ATCAY: variants seen among roughly 807,000 people sequenced by gnomAD.
ATCAY encodes caytaxin.
ATCAY carries 22 observed loss-of-function variants against 47.7 expected under a neutral mutation model. That is an observed-to-expected ratio of 0.46 (90% CI 0.33 to 0.66). The LOEUF (loss-of-function observed/expected upper bound fraction) is 0.66, where lower values mean the gene tolerates loss of function less well. ATCAY is among the 30% of genes least tolerant of loss of function. The probability of loss-of-function intolerance (pLI) is 0.02; values close to 1 mark genes in which losing one functional copy is unlikely to be tolerated. For missense variants in ATCAY, 452 were observed against 515.0 expected (o/e 0.88, Z 1.18); for synonymous variants, 216 against 207.6 (o/e 1.04, Z -0.35).
At chr19:3,919,775 A>G (rs1346628749) in intron 11 of ATCAY, among the ~76,000 whole-genome samples, 1 of 151,048 alleles carries the variant, frequency 6.6e-6, no homozygotes, top group Non-Finnish European at 1.5e-5. Context: ...AAAAGTTATC[A>G]TGATGTTCTC....
At chr19:3,914,153 G>A (rs970019352) in intron 9 of ATCAY, among the ~76,000 whole-genome samples, 14 of 147,680 alleles carry the variant, frequency 9.5e-5, no homozygotes, top group Non-Finnish European at 1.8e-4. Context: ...GGAGAATGGC[G>A]TGAACCCCGG....
chr19:3,905,405 T>C (rs554981913), intron 3 of ATCAY, 29 bp from the exon 4 acceptor site: 5 of 1,550,454 alleles, frequency 3.2e-6, no homozygotes, highest in Non-Finnish European at 4.4e-6. Flanking sequence ...AAAGCAAAGA[T>C]GTTTTCCATT....
At position 3,905,431 on chromosome 19, in the gene ATCAY, C is replaced by A. The variant is rs775910010; in HGVS notation, c.137-3C>A. 2.5e-6 allele frequency: 4 copies of A among 1,596,548 alleles called. No individual in the cohort carries two copies. The highest frequency in any genetic ancestry group is 2.2e-5 in the South Asian group (2 of 89,268). ...GTTTTCCATTTTTCTCATTTCCCTG[C>A]AGCTCCTCCCAACACGCTAAATTTC... On this transcript the variant is annotated splice_polypyrimidine_tract_variant and splice_region_variant and intron_variant, in intron 3 of 12. Transcript: ENST00000450849.
rs576305408 is a variant in ATCAY at position 3,896,715 on chromosome 19, T to C, written c.78-5772T>C. ...GAAGGCAGTGCCGGCTGCAAAGCAA[T>C]GGGGCTTTCCTCTGGCGGGAGGAGA... On this transcript the variant is annotated intron_variant, in intron 2 of 12. Transcript: ENST00000450849. 2.0e-5 allele frequency among the ~76,000 whole-genome samples: 3 copies of C among 152,280 alleles called. No individual in the cohort carries two copies. In the East Asian group the frequency reaches 5.8e-4, roughly 29 times the overall value.
chr19:3,882,622 G>A (rs986029819), intron 1 of ATCAY, among the ~76,000 whole-genome samples: 19 of 149,036 alleles, frequency 1.3e-4, no homozygotes, highest in African/African-American at 3.7e-4. Context: ...GTGAGCCACC[G>A]CACCAGCCAG....
At chr19:3,912,394 A>G (rs978372292) in intron 8 of ATCAY, among the ~76,000 whole-genome samples, 9 of 151,882 alleles carry the variant, frequency 5.9e-5, no homozygotes, top group Non-Finnish European at 8.8e-5. Flanking sequence ...GCTCACTGCA[A>G]GCTCCGCCTC....
chr19:3,890,583 C>G (rs866706244), intron 2 of ATCAY, among the ~76,000 whole-genome samples: 1 of 152,002 alleles, frequency 6.6e-6, no homozygotes, highest in African/African-American at 2.4e-5. Flanking sequence ...ATTTTAAAAG[C>G]TCTCATCTCA....
chr19:3,909,897 C>A (rs141670974), intron 7 of ATCAY, among the ~76,000 whole-genome samples: 39 of 152,276 alleles, frequency 2.6e-4, no homozygotes, highest in African/African-American at 8.9e-4. Flanking sequence ...CCAGCCCGGC[C>A]AACATATAGT....
intron 2 of ATCAY, among the ~76,000 whole-genome samples, chr19:3,897,430 G>A (rs2038779528): frequency 6.6e-6 from 1 of 151,604 alleles, no homozygotes; most frequent in African/African-American, 2.4e-5. Flanking sequence ...TTCCCAAATA[G>A]CTGGGACTAC....
intron 4 of ATCAY, among the ~76,000 whole-genome samples, chr19:3,906,254 T>C (rs1199329207): frequency 6.7e-6 from 1 of 150,294 alleles, no homozygotes. Context: ...TATTGTTCGA[T>C]AGCAGAATAG....
At chr19:3,892,778 G>T (rs938901712) in intron 2 of ATCAY, among the ~76,000 whole-genome samples, 8 of 151,862 alleles carry the variant, frequency 5.3e-5, no homozygotes, top group South Asian at 2.1e-4. Flanking sequence ...TGTGGTGGCG[G>T]GCACCTGTAA....
rs1428982416 is a variant in ATCAY, at chr19:3,928,004, G to A, written c.*3412G>A. The A allele has an allele frequency of 6.6e-6, 1 of 152,176 alleles. No individual in the cohort carries two copies. Among genetic ancestry groups the A allele is most frequent in the African/African-American group, 2.4e-5 (1 of 41,438 alleles). The allele number at this position is 152,176 out of a possible 1,614,324, so 9.4% of individuals were successfully genotyped here. A position where few individuals can be genotyped will look rare whatever the true frequency, so the allele number is the denominator to read the frequency against. ...AACAGAAATGATCACTACGATTGAC[G>A]ACGGTCGTGATGTTAAGACGTCGTC... On this transcript the variant is annotated 3_prime_UTR_variant, in exon 13 of 13. Transcript: ENST00000450849.
At chr19:3,893,907 G>T (rs937948774) in intron 2 of ATCAY, among the ~76,000 whole-genome samples, 1 of 149,952 alleles carries the variant, frequency 6.7e-6, no homozygotes, top group South Asian at 2.1e-4. Context: ...CTCTCTCTGC[G>T]CCAGGCACCC....
intron 11 of ATCAY, among the ~76,000 whole-genome samples, chr19:3,919,523 C>T (rs919524365): frequency 1.1e-4 from 16 of 151,922 alleles, no homozygotes; most frequent in African/African-American, 3.6e-4. Context: ...ACCTGGGAGG[C>T]GGAGGTTGCA....
At chr19:3,917,584 C>CAAAAAAAAAAAAA (rs71166940) in intron 9 of ATCAY, among the ~76,000 whole-genome samples, 158 bp from the exon 10 acceptor site, 3 of 40,834 alleles carry the variant, frequency 7.3e-5, no homozygotes, top group African/African-American at 2.1e-4. Context: ...GACTCCATCT[C>CAAAAAAAAAAAAA]AAAAAAAAAA....
Position 3,917,737 on chromosome 19 carries a change from T to C in ATCAY, c.966-5T>C. The C allele has an allele frequency of 6.2e-7, 1 of 1,613,516 alleles. No homozygotes were observed. Among genetic ancestry groups the C allele is most frequent in the Non-Finnish European group, 8.5e-7 (1 of 1,179,670 alleles). ...TTGTGTCTGACATCTTTTTCTTTCT[T>C]TCAGATACGAAGAGGAAAGACTGAA... On this transcript the variant is annotated splice_polypyrimidine_tract_variant and splice_region_variant and intron_variant, in intron 9 of 12. Transcript: ENST00000450849.
intron 3 of ATCAY, among the ~76,000 whole-genome samples, chr19:3,903,982 CAAAAAAAA>C (rs59631453): frequency 2.4e-4 from 19 of 79,044 alleles, no homozygotes; most frequent in South Asian, 8.3e-4. Context: ...ACTAAAGATA[CAAAAAAAA>C]AAAAAAAAAA....
chr19:3,916,817 T>G (rs913473971), intron 9 of ATCAY, among the ~76,000 whole-genome samples: 1 of 148,974 alleles, frequency 6.7e-6, no homozygotes, highest in Non-Finnish European at 1.5e-5. Context: ...TTTTTCTGGT[T>G]TTTTTTTTTA....
chr19:3,916,157 T>A, intron 9 of ATCAY, among the ~76,000 whole-genome samples: 1 of 152,228 alleles, frequency 6.6e-6, no homozygotes, highest in East Asian at 1.9e-4. Context: ...TTTGTCCTTT[T>A]GTGTCTGACG....
Sources: gnomAD v4.1 joint callset for allele counts (sites outside exome capture counted in the v4.1 genomes callset) on GRCh38, gnomAD v4.1.1 for gene constraint, MANE v1.5 for transcripts, NCBI Gene and HGNC (gene_info 2026-07-23, HGNC 2026-07-21) for gene names.